Variants in SPECC1 observed in about 807,000 individuals in gnomAD.
The protein encoded by SPECC1 is cytospin-B.
Under a neutral mutation model 104.1 loss-of-function variants are expected in SPECC1, and 62 were observed. The ratio of observed to expected loss-of-function variants is 0.60; its 90% confidence interval spans 0.49 to 0.74. The LOEUF is 0.74. Among genes scored for constraint, SPECC1 ranks in the 30% least tolerant of loss-of-function variants. The probability of loss-of-function intolerance (pLI) is 0.00; values close to 1 mark genes in which losing one functional copy is unlikely to be tolerated. For synonymous variants in SPECC1, 513 were observed against 501.6 expected (o/e 1.02, Z -0.30); for missense variants, 1,306 against 1,310.5 (o/e 1.00, Z 0.05).
At chr17:20,263,408 T>C (rs1049786977) in intron 12 of SPECC1, among the ~76,000 whole-genome samples, 2 of 149,442 alleles carry the variant, frequency 1.3e-5, no homozygotes, top group African/African-American at 4.9e-5. Flanking sequence ...TTAGGAGATA[T>C]ACCTAATGTA....
chr17:20,230,589 C>CA (rs2038511529), intron 5 of SPECC1, among the ~76,000 whole-genome samples: 1 of 152,204 alleles, frequency 6.6e-6, no homozygotes, highest in Non-Finnish European at 1.5e-5. Context: ...TCAGCACAGA[C>CA]ACACTAAGAA....
chr17:20,248,233 T>G (rs1283427174), intron 9 of SPECC1, among the ~76,000 whole-genome samples: 1 of 152,120 alleles, frequency 6.6e-6, no homozygotes, highest in Non-Finnish European at 1.5e-5. Flanking sequence ...TTACACTCCC[T>G]TGCACCTTCC....
chr17:20,298,948 A>AGAGAGTGGGTGTGTGTGTGTGT, intron 13 of SPECC1, among the ~76,000 whole-genome samples: 1 of 49,072 alleles, frequency 2.0e-5, no homozygotes, highest in African/African-American at 9.3e-5. Context: ...AGAGAGAGAG[A>AGAGAGTGGGTGTGTGTGTGTGT]GTGTGTGTGT....
intron 3 of SPECC1, among the ~76,000 whole-genome samples, chr17:20,194,501 A>ATTTTTTTT: frequency 1.5e-5 from 1 of 68,138 alleles, no homozygotes; most frequent in East Asian, 1.2e-3. Context: ...AAAGAGAACG[A>ATTTTTTTT]ATTTTTTTTT....
intron 1 of SPECC1, among the ~76,000 whole-genome samples, chr17:20,095,061 C>G (rs1033752377): frequency 1.3e-5 from 2 of 152,220 alleles, no homozygotes; most frequent in African/African-American, 4.8e-5. Flanking sequence ...TCAAGAGTCA[C>G]TCCGGCTCTG....
intron 1 of SPECC1, among the ~76,000 whole-genome samples, chr17:20,048,645 G>A (rs1029274557): frequency 7.9e-5 from 12 of 151,674 alleles, no homozygotes. Flanking sequence ...GGTGGCTCAC[G>A]CCTGTAATCC....
At chr17:20,104,649 AG>A (rs557349730) in intron 2 of SPECC1, among the ~76,000 whole-genome samples, 40 of 147,436 alleles carry the variant, frequency 2.7e-4, no homozygotes, top group Admixed American at 5.5e-4. Context: ...AGGCTGAGAC[AG>A]GAGAATCGTT....
chr17:20,304,289 CAAA>C (rs899963476), intron 13 of SPECC1, among the ~76,000 whole-genome samples: 18 of 151,710 alleles, frequency 1.2e-4, no homozygotes, highest in Non-Finnish European at 2.1e-4. Context: ...GATTCCATCT[CAAA>C]AAAAGGAAAT....
Position 20,077,700 on chromosome 17 carries a change from C to A in SPECC1, c.-21-18931C>A, listed in dbSNP as rs535795420. ...CAGGCTGGTCTCGGACTCCTGACCT[C>A]AGGTGATGCACCTGTTTTGGCCTCC... is the stretch of plus-strand genomic sequence containing the variant. On this transcript the variant is annotated intron_variant, in intron 1 of 14. Coordinates refer to ENST00000395527, the MANE Select transcript of SPECC1 (RefSeq NM_001243439.2). Among the ~76,000 whole-genome samples the A allele has an allele frequency of 5.3e-5, 8 of 152,206 alleles. No individual in the cohort carries two copies. In the East Asian group the frequency reaches 1.5e-3, roughly 29 times the overall value.
intron 1 of SPECC1, among the ~76,000 whole-genome samples, chr17:20,041,117 G>A (rs911654285): frequency 6.6e-6 from 1 of 151,056 alleles, no homozygotes; most frequent in Non-Finnish European, 1.5e-5. Flanking sequence ...TTCATATTGG[G>A]TAATTTCTAT....
At chr17:20,233,786 G>A (rs1351462368) in intron 7 of SPECC1, among the ~76,000 whole-genome samples, 1 of 152,236 alleles carries the variant, frequency 6.6e-6, no homozygotes, top group Non-Finnish European at 1.5e-5. Context: ...CAGTAGTGAG[G>A]CCGTTCTGGG....
chr17:20,202,705 G>GCTTC (rs1389271297), intron 3 of SPECC1, among the ~76,000 whole-genome samples: 8 of 152,030 alleles, frequency 5.3e-5, no homozygotes, highest in Non-Finnish European at 1.2e-4. Flanking sequence ...TTTCAGTCAG[G>GCTTC]CTTCCGGTCA....
intron 3 of SPECC1, among the ~76,000 whole-genome samples, chr17:20,134,595 G>T (rs948382449): frequency 6.6e-6 from 1 of 152,114 alleles, no homozygotes; most frequent in African/African-American, 2.4e-5. Flanking sequence ...GTTGAGAAAG[G>T]TACTTCTTAT....
chr17:20,303,361 C>A (rs957554296), intron 13 of SPECC1, among the ~76,000 whole-genome samples: 1 of 152,166 alleles, frequency 6.6e-6, no homozygotes, highest in Admixed American at 6.5e-5. Context: ...AGCCCATGCC[C>A]GCTCCTTTCC....
intron 9 of SPECC1, among the ~76,000 whole-genome samples, chr17:20,249,930 C>G (rs1465204131): frequency 6.6e-6 from 1 of 152,030 alleles, no homozygotes. Context: ...TAAAAGATGT[C>G]AAGCCCAGAT....
At chr17:20,233,265 G>C (rs1339432667) in intron 7 of SPECC1, among the ~76,000 whole-genome samples, 1 of 152,152 alleles carries the variant, frequency 6.6e-6, no homozygotes, top group African/African-American at 2.4e-5. Flanking sequence ...TTTGAATGTT[G>C]ATCAGGTGGC....
intron 3 of SPECC1, among the ~76,000 whole-genome samples, chr17:20,175,069 C>T (rs1387401925): frequency 2.6e-5 from 4 of 152,102 alleles, no homozygotes; most frequent in Admixed American, 6.6e-5. Context: ...CTCTGTGCTC[C>T]GCAGCTCAGT....
At chr17:20,248,008 G>A (rs747825631) in intron 9 of SPECC1, among the ~76,000 whole-genome samples, 33 of 152,264 alleles carry the variant, frequency 2.2e-4, no homozygotes, top group South Asian at 1.5e-3. Flanking sequence ...CTTTCTCTAA[G>A]TGCTTACCCA....
intron 3 of SPECC1, among the ~76,000 whole-genome samples, chr17:20,182,343 T>C (rs757590153): frequency 1.1e-4 from 17 of 152,134 alleles, no homozygotes; most frequent in Admixed American, 3.3e-4. Flanking sequence ...AGCAAACTCT[T>C]GGACTCAAGT....
Sources: gnomAD v4.1 joint callset for allele counts (sites outside exome capture counted in the v4.1 genomes callset) on GRCh38, gnomAD v4.1.1 for gene constraint, MANE v1.5 for transcripts, NCBI Gene and HGNC (gene_info 2026-07-23, HGNC 2026-07-21) for gene names.